CERT1: variants seen among roughly 807,000 people sequenced by gnomAD.
CERT1 encodes ceramide transfer protein.
CERT1 carries 31 observed loss-of-function variants against 87.9 expected under a neutral mutation model. The observed-to-expected ratio is 0.35, with a 90% confidence interval of 0.27 to 0.48. The LOEUF is 0.48. Among genes scored for constraint, CERT1 ranks in the 20% least tolerant of loss-of-function variants. The probability of loss-of-function intolerance (pLI) is 0.99; values close to 1 mark genes in which losing one functional copy is unlikely to be tolerated. For synonymous variants in CERT1, 289 were observed against 250.9 expected (o/e 1.15, Z -1.44); for missense variants, 487 against 758.0 (o/e 0.64, Z 4.20).
chr5:75,450,532 T>C (rs924011375), intron 3 of CERT1, among the ~76,000 whole-genome samples: 6 of 152,194 alleles, frequency 3.9e-5, no homozygotes, highest in Non-Finnish European at 8.8e-5. Context: ...ATAGAGAACC[T>C]TTCCCGATCC....
chr5:75,485,632 A>T (rs1043299157), intron 2 of CERT1, among the ~76,000 whole-genome samples: 1 of 152,020 alleles, frequency 6.6e-6, no homozygotes, highest in Non-Finnish European at 1.5e-5. Flanking sequence ...ACCTAAGAAA[A>T]AGAGAGAAGA....
chr5:75,434,793 ATC>A (rs1173202010), intron 3 of CERT1, among the ~76,000 whole-genome samples: 3 of 151,740 alleles, frequency 2.0e-5, no homozygotes, highest in East Asian at 3.9e-4. Flanking sequence ...GAGGTTTTTA[ATC>A]TCTGAGGGTT....
At chr5:75,483,095 C>T (rs1014493456) in intron 2 of CERT1, among the ~76,000 whole-genome samples, 1 of 152,030 alleles carries the variant, frequency 6.6e-6, no homozygotes, top group Non-Finnish European at 1.5e-5. Context: ...CTTTAAGATA[C>T]GGTATTCAAA....
downstream of CERT1, chr5:75,375,582 AAAAT>A (rs35679444): frequency 0.18 from 23,998 of 133,652 alleles, 2,564 homozygotes; most frequent in African/African-American, 0.3. Context: ...ATGCTGTCTC[AAAAT>A]AAATAAATAA....
Position 75,470,483 on chromosome 5 carries a change from AATGTGGTACATCAC to A in CERT1, c.232-11316_232-11303del, listed in dbSNP as rs1238355368. ...ATGGTTCAACACAAACAAATCAATA[AATGTGGTACATCAC>A]ATTAACAGAATTGATGGACAAAAAC... On this transcript the variant is annotated intron_variant, in intron 2 of 16. Transcript: ENST00000643780. Among the ~76,000 whole-genome samples the A allele has an allele frequency of 6.6e-5, 10 of 152,292 alleles. No individual in the cohort carries two copies. In the South Asian group the frequency reaches 1.9e-3, roughly 28 times the overall value.
At chr5:75,392,578 T>C (rs996233938) in intron 11 of CERT1, among the ~76,000 whole-genome samples, 1 of 152,122 alleles carries the variant, frequency 6.6e-6, no homozygotes, top group Non-Finnish European at 1.5e-5. Context: ...AATATTACCA[T>C]AGGGGCAGTA....
At chr5:75,478,334 GA>G (rs1442138831) in intron 2 of CERT1, among the ~76,000 whole-genome samples, 1 of 151,268 alleles carries the variant, frequency 6.6e-6, no homozygotes, top group Admixed American at 6.6e-5. Flanking sequence ...ATAAAAAAAA[GA>G]AAAGAAAAGA....
At chr5:75,439,399 G>C (rs534216164) in intron 3 of CERT1, among the ~76,000 whole-genome samples, 1 of 151,850 alleles carries the variant, frequency 6.6e-6, no homozygotes, top group African/African-American at 2.4e-5. Context: ...CTTGCCTTTT[G>C]AAAACCTTCT....
At chr5:75,374,901 T>C (rs138701565), downstream of CERT1, 828 of 372,324 alleles carry the variant, frequency 2.2e-3, 9 homozygotes, top group Admixed American at 0.021. Flanking sequence ...AGTGTATCTG[T>C]GCCACCTAGG....
At chr5:75,387,423 C>T (rs1761837536) in intron 12 of CERT1, among the ~76,000 whole-genome samples, 2 of 152,018 alleles carry the variant, frequency 1.3e-5, no homozygotes, top group South Asian at 4.1e-4. Flanking sequence ...CCAGTTTCTT[C>T]CCTATCAGCT....
In CERT1 at chr5:75,511,458, G is replaced by C. The variant is rs977873801; in HGVS notation, c.-251C>G. 33 of 1,529,486 alleles carry C rather than the reference G, an allele frequency of 2.2e-5. No individual in the cohort carries two copies. The highest frequency in any genetic ancestry group is 2.9e-5 in the Non-Finnish European group (33 of 1,138,210). 94.7% of individuals were successfully genotyped at this position (1,529,486 alleles called of 1,614,324 possible). A position where few individuals can be genotyped will look rare whatever the true frequency, so the allele number is the denominator to read the frequency against. On this transcript the variant is annotated 5_prime_UTR_variant, in exon 1 of 17. Coordinates refer to ENST00000643780, the MANE Select transcript of CERT1 (RefSeq NM_001379029.1). ...CCAGCCGTCAGCCGCCGCCGCCGTC[G>C]CCGTGACCCCTGCGTTGCGCCCGGC...
chr5:75,375,480 G>A (rs1279779889), downstream of CERT1: 1 of 151,530 alleles, frequency 6.6e-6, no homozygotes, highest in Admixed American at 6.6e-5. Flanking sequence ...CAGCTACCCA[G>A]GGAGGTAGGA....
At chr5:75,373,788 T>C, downstream of CERT1, 1 of 285,434 alleles carries the variant, frequency 3.5e-6, no homozygotes, top group Non-Finnish European at 6.4e-6. Flanking sequence ...TCAACTTTTG[T>C]GCTTTTCTTT....
At chr5:75,493,754 G>C (rs992392156) in intron 2 of CERT1, among the ~76,000 whole-genome samples, 27 of 151,720 alleles carry the variant, frequency 1.8e-4, no homozygotes, top group African/African-American at 6.1e-4. Context: ...ATCCCTTTCT[G>C]CTCTGTTCTC....
At chr5:75,467,994 C>G (rs1247416421) in intron 2 of CERT1, among the ~76,000 whole-genome samples, 1 of 152,120 alleles carries the variant, frequency 6.6e-6, no homozygotes, top group Non-Finnish European at 1.5e-5. Context: ...AAACATTCAA[C>G]AAAATGCAAA....
At chr5:75,498,955 C>T (rs1181865602) in intron 2 of CERT1, among the ~76,000 whole-genome samples, 1 of 152,244 alleles carries the variant, frequency 6.6e-6, no homozygotes, top group Non-Finnish European at 1.5e-5. Context: ...TGCAAAGCCA[C>T]AGGGACGGAG....
intron 2 of CERT1, among the ~76,000 whole-genome samples, chr5:75,490,704 T>C (rs1296574034): frequency 6.6e-6 from 1 of 152,142 alleles, no homozygotes; most frequent in Non-Finnish European, 1.5e-5. Flanking sequence ...TTCACCATGT[T>C]AGCCAGGATG....
At chr5:75,392,747 ATCACAAGG>A (rs1762076363) in intron 11 of CERT1, among the ~76,000 whole-genome samples, 1 of 152,064 alleles carries the variant, frequency 6.6e-6, no homozygotes, top group Non-Finnish European at 1.5e-5. Flanking sequence ...AGGCGGGCAG[ATCACAAGG>A]TCAGGAGTTC....
chr5:75,465,224 A>G (rs1047734915), intron 2 of CERT1, among the ~76,000 whole-genome samples: 19 of 152,180 alleles, frequency 1.2e-4, no homozygotes, highest in Non-Finnish European at 7.3e-5. Flanking sequence ...CCAGTCAGAA[A>G]AATGGTTGGC....
Sources: allele counts gnomAD v4.1 joint callset (sites outside exome capture counted in the v4.1 genomes callset), GRCh38; gene constraint gnomAD v4.1.1; transcripts MANE v1.5; gene names NCBI Gene and HGNC (gene_info 2026-07-23, HGNC 2026-07-21).